SLAIN2: variants seen among roughly 807,000 people sequenced by gnomAD.
SLAIN2 encodes SLAIN family member 2, also known as SLAIN motif-containing protein 2.
Under a neutral mutation model 56.6 loss-of-function variants are expected in SLAIN2, and 31 were observed. The observed-to-expected ratio is 0.55, with a 90% CI of 0.41 to 0.74. SLAIN2 has a LOEUF of 0.74. Ranked by LOEUF, SLAIN2 falls within the 30% of genes least tolerant of loss-of-function variation. SLAIN2 has a pLI of 0.00. For synonymous variants in SLAIN2, 317 were observed against 284.9 expected (o/e 1.11, Z -1.13); for missense variants, 777 against 754.2 (o/e 1.03, Z -0.35).
At position 48,341,929 on chromosome 4, in the gene SLAIN2, C is replaced by T. The variant is rs1448097914; in HGVS notation, c.190C>T (p.Pro64Ser). The T allele has an allele frequency of 3.3e-6, 5 of 1,503,088 alleles. No homozygotes were observed. The highest frequency in any genetic ancestry group is 5.6e-5 in the East Asian group (2 of 35,440). 93.1% of individuals were successfully genotyped at this position (1,503,088 alleles called of 1,614,324 possible). The change falls in exon 1 of 8, where the codon CCT becomes TCT. Residue 64 changes from proline to serine, a missense_variant. Coordinates refer to ENST00000264313, the MANE Select transcript of SLAIN2 (RefSeq NM_020846.2). ...CATTCCCTCCTCCGGCGCGGCGTCT[C>T]CTCGGGGCTTCCCCTTGGGCCTCAG... ...ASIPSSGAAS[P>S]RGFPLGLSAK...
At chr4:48,396,671 C>A (rs1716398483) in intron 6 of SLAIN2, among the ~76,000 whole-genome samples, 2 of 152,150 alleles carry the variant, frequency 1.3e-5, no homozygotes, top group Admixed American at 1.3e-4. Flanking sequence ...AGTAAAGAAA[C>A]ATGGACCAAC....
rs1716454365 is a variant in SLAIN2, at chr4:48,398,055, T to C, written c.1360+14271T>C. Among the ~76,000 whole-genome samples, 6 of 152,218 alleles carry C rather than the reference T, an allele frequency of 3.9e-5. No homozygotes were observed. In the South Asian group the frequency reaches 1.0e-3, roughly 26 times the overall value. Reference sequence around the variant, plus strand: ...TGGGATTGCTGGGTCAAAAGGTATTTCTGCTTTTAGATCTTTGAGGAATCA... The same window carrying C: ...TGGGATTGCTGGGTCAAAAGGTATTCCTGCTTTTAGATCTTTGAGGAATCA... On this transcript the variant is annotated intron_variant, in intron 6 of 7. Coordinates refer to ENST00000264313, the MANE Select transcript of SLAIN2 (RefSeq NM_020846.2).
At chr4:48,407,485 C>T (rs1336942143) in intron 6 of SLAIN2, among the ~76,000 whole-genome samples, 1 of 152,040 alleles carries the variant, frequency 6.6e-6, no homozygotes, top group Non-Finnish European at 1.5e-5. Flanking sequence ...AAGAGTTACT[C>T]TACTCCTTAT....
chr4:48,344,600 G>T (rs1164821164), intron 1 of SLAIN2, among the ~76,000 whole-genome samples: 1 of 152,148 alleles, frequency 6.6e-6, no homozygotes, highest in African/African-American at 2.4e-5. Flanking sequence ...AATCTCTAGG[G>T]AGTATGGTTT....
At chr4:48,364,827 T>G (rs1378817346) in intron 1 of SLAIN2, among the ~76,000 whole-genome samples, 6 of 130,368 alleles carry the variant, frequency 4.6e-5, no homozygotes, top group African/African-American at 1.4e-4. Context: ...ACAGTCCAGC[T>G]TCGGCTCCGC....
Position 48,342,001 on chromosome 4 carries a change from A to G in SLAIN2, c.262A>G (p.Ser88Gly). ...CGGGTCGGGCCCGAGGCGGACGAGT[A>G]GCGAAGAGCTGCGGGACGCCACCTC... ...GPGSGPRRTS[S>G]EELRDATSLL... Residue 88 changes from serine (S) to glycine (G), a missense_variant, in exon 1 of 8, where the codon AGC (serine) becomes GGC (glycine). Coordinates refer to ENST00000264313, the MANE Select transcript of SLAIN2 (RefSeq NM_020846.2). 1 of 1,423,912 alleles carries G rather than the reference A, an allele frequency of 7.0e-7. No individual in the cohort carries two copies. Among genetic ancestry groups the G allele is most frequent in the Non-Finnish European group, 9.1e-7 (1 of 1,093,626 alleles). 88.2% of individuals were successfully genotyped at this position (1,423,912 alleles called of 1,614,324 possible).
chr4:48,341,549 T>A lies in SLAIN2; in HGVS notation c.-191T>A, dbSNP rs942480574. The A allele has an allele frequency of 2.6e-6, 2 of 780,028 alleles. No individual in the cohort carries two copies. The highest frequency in any genetic ancestry group is 3.7e-5 in the African/African-American group (2 of 54,450). 48.3% of individuals were successfully genotyped at this position (780,028 alleles called of 1,614,324 possible). A position where few individuals can be genotyped will look rare whatever the true frequency, so the allele number is the denominator to read the frequency against. The stretch of plus-strand genomic sequence containing the variant: ...CCCCCAATCCCGGAGCCGGCGCAGA[T>A]GAGGCAGTTCGGCTGGGGCCAGCGG... On this transcript the variant is annotated 5_prime_UTR_variant, in exon 1 of 8. It removes an upstream start codon present in the reference 5' UTR. Coordinates refer to ENST00000264313, the MANE Select transcript of SLAIN2 (RefSeq NM_020846.2).
chr4:48,412,973 C>T (rs1716905775), intron 6 of SLAIN2, among the ~76,000 whole-genome samples: 1 of 151,934 alleles, frequency 6.6e-6, no homozygotes, highest in South Asian at 2.1e-4. Flanking sequence ...CACCTATAAT[C>T]GCAGCATTTT....
intron 1 of SLAIN2, among the ~76,000 whole-genome samples, chr4:48,362,732 C>T (rs201309831): frequency 2.2e-3 from 257 of 116,272 alleles, no homozygotes; most frequent in Middle Eastern, 4.5e-3. Context: ...TTTTAAATTT[C>T]TTTTTTTTTT....
At chr4:48,343,568 A>G (rs1372219843) in intron 1 of SLAIN2, among the ~76,000 whole-genome samples, 2 of 152,228 alleles carry the variant, frequency 1.3e-5, no homozygotes, top group Non-Finnish European at 2.9e-5. Context: ...AAAGAGTGAT[A>G]GAACAAAGAG....
At chr4:48,362,732 C>CTTTTTTTTTTTTTATTTTT (rs1715362776) in intron 1 of SLAIN2, among the ~76,000 whole-genome samples, 1 of 116,412 alleles carries the variant, frequency 8.6e-6, no homozygotes, top group African/African-American at 3.3e-5. Flanking sequence ...TTTTAAATTT[C>CTTTTTTTTTTTTTATTTTT]TTTTTTTTTT....
In SLAIN2 at chr4:48,424,383, A is replaced by G. The variant is rs1166122359; in HGVS notation, c.*2306A>G. 4 of 152,140 alleles carry G rather than the reference A, an allele frequency of 2.6e-5. No individual in the cohort carries two copies. The highest frequency in any genetic ancestry group is 4.1e-4 in the South Asian group (2 of 4,832). 9.4% of individuals were successfully genotyped at this position (152,140 alleles called of 1,614,324 possible). A position where few individuals can be genotyped will look rare whatever the true frequency, so the allele number is the denominator to read the frequency against. ...ATGTGGATTTGATAAACTAGTGCCT[A>G]TGATTTTAACTTATGTTTGATATAT... is the stretch of plus-strand genomic sequence containing the variant. On this transcript the variant is annotated 3_prime_UTR_variant, in exon 8 of 8. Transcript: ENST00000264313.
chr4:48,394,061 C>T (rs1268358356), intron 6 of SLAIN2, among the ~76,000 whole-genome samples: 2 of 152,156 alleles, frequency 1.3e-5, no homozygotes, highest in African/African-American at 2.4e-5. Context: ...TGATATTGAA[C>T]ATATTAAAGT....
rs547271881 is a variant in SLAIN2, at chr4:48,365,609, G to A, written c.390-4240G>A. On this transcript the variant is annotated intron_variant, in intron 1 of 7. Coordinates refer to ENST00000264313, the MANE Select transcript of SLAIN2 (RefSeq NM_020846.2). The stretch of plus-strand genomic sequence containing the variant: ...GGAATCTCGCTCTGTTGCCCAGGGT[G>A]GAGTGCAGTGGCGGGATCTTGGCTC... 2.0e-5 allele frequency among the ~76,000 whole-genome samples: 3 copies of A among 151,864 alleles called. No homozygotes were observed. The South Asian group carries it at 6.2e-4, about 32-fold the overall frequency.
chr4:48,342,355 C>T (rs1714736132), intron 1 of SLAIN2, among the ~76,000 whole-genome samples: 1 of 152,216 alleles, frequency 6.6e-6, no homozygotes, highest in African/African-American at 2.4e-5. Flanking sequence ...GATTGTGGAC[C>T]TTCTGAGTGC....
chr4:48,346,455 T>C (rs1714869741), intron 1 of SLAIN2, among the ~76,000 whole-genome samples: 1 of 152,216 alleles, frequency 6.6e-6, no homozygotes, highest in Admixed American at 6.5e-5. Flanking sequence ...CGATAACCTT[T>C]GTTGATAAAT....
intron 1 of SLAIN2, among the ~76,000 whole-genome samples, chr4:48,369,569 A>C (rs568566460): frequency 1.4e-3 from 214 of 152,320 alleles, no homozygotes; most frequent in African/African-American, 5.1e-3. Flanking sequence ...TGTTGAAAAC[A>C]GAATAAACTG....
intron 1 of SLAIN2, among the ~76,000 whole-genome samples, chr4:48,350,087 T>C (rs1475931662): frequency 2.6e-5 from 4 of 152,338 alleles, no homozygotes; most frequent in Middle Eastern, 6.8e-3. Flanking sequence ...TTAAAACATT[T>C]ATCAGATCTA....
Position 48,342,081 on chromosome 4 carries a change from C to G in SLAIN2, c.342C>G (p.Pro114=), listed in dbSNP as rs1000433119. ...GLLDEVEPLR[P]DELERLSGWE... is the part of the protein sequence containing the mutation. The stretch of plus-strand genomic sequence containing the variant: ...TGGACGAGGTGGAGCCGCTGCGGCC[C>G]GACGAGCTGGAGCGCCTGTCAGGCT... The change falls in exon 1 of 8, where the codon CCC becomes CCG. Residue 114 remains proline, a synonymous_variant. Coordinates refer to ENST00000264313, the MANE Select transcript of SLAIN2 (RefSeq NM_020846.2). The G allele has an allele frequency of 7.3e-6, 10 of 1,367,704 alleles. No individual in the cohort carries two copies. Among genetic ancestry groups the G allele is most frequent in the African/African-American group, 3.1e-5 (2 of 65,122 alleles). 84.7% of individuals were successfully genotyped at this position (1,367,704 alleles called of 1,614,324 possible).
Sources: gnomAD v4.1 joint callset for allele counts (sites outside exome capture counted in the v4.1 genomes callset) on GRCh38, gnomAD v4.1.1 for gene constraint, MANE v1.5 for transcripts, NCBI Gene and HGNC (gene_info 2026-07-23, HGNC 2026-07-21) for gene names.